LRRIQ3: variants seen among roughly 807,000 people sequenced by gnomAD.
The protein encoded by LRRIQ3 is leucine rich repeats and IQ motif containing 3.
LRRIQ3 carries 75 observed loss-of-function variants against 59.3 expected under a neutral mutation model. That is an observed-to-expected ratio of 1.26 (90% CI 1.05 to 1.53). LRRIQ3 has a LOEUF of 1.53. Ranked by LOEUF, LRRIQ3 falls within the 40% of genes most tolerant of loss-of-function variation. The pLI is 0.00. For missense variants in LRRIQ3, 831 were observed against 710.0 expected, an observed-to-expected ratio of 1.17 and a Z score of -1.94; for synonymous variants, 250 against 231.3, an observed-to-expected ratio of 1.08 and a Z score of -0.73.
chr1:74,084,614 G>A (rs1646307668), intron 5 of LRRIQ3, among the ~76,000 whole-genome samples: 1 of 151,560 alleles, frequency 6.6e-6, no homozygotes, highest in Non-Finnish European at 1.5e-5. Flanking sequence ...AAACTCCAAT[G>A]CTGTCTCTCT....
intron 7 of LRRIQ3, among the ~76,000 whole-genome samples, chr1:74,033,549 G>C (rs1653780673): frequency 6.6e-6 from 1 of 151,978 alleles, no homozygotes; most frequent in Non-Finnish European, 1.5e-5. Context: ...AGGTGGGGCA[G>C]TTCCAAGTGA....
At chr1:74,065,523 G>C (rs1281739749) in intron 6 of LRRIQ3, among the ~76,000 whole-genome samples, 1 of 152,088 alleles carries the variant, frequency 6.6e-6, no homozygotes, top group Admixed American at 6.6e-5. Context: ...AGATATTGAA[G>C]AGGTACAAAA....
intron 3 of LRRIQ3, chr1:74,180,613 T>C: frequency 9.3e-7 from 1 of 1,071,692 alleles, no homozygotes; most frequent in Non-Finnish European, 1.3e-6. Context: ...CTTATTCTTC[T>C]CCTCTTTCCA....
At chr1:74,067,460 G>C (rs1391299683) in intron 6 of LRRIQ3, among the ~76,000 whole-genome samples, 1 of 152,060 alleles carries the variant, frequency 6.6e-6, no homozygotes, top group Non-Finnish European at 1.5e-5. Flanking sequence ...AGCTTTTTCA[G>C]TGCACTTTTT....
At chr1:74,063,121 A>AAACAAC (rs1012702321) in intron 6 of LRRIQ3, among the ~76,000 whole-genome samples, 61 of 151,132 alleles carry the variant, frequency 4.0e-4, no homozygotes, top group African/African-American at 1.4e-3. Flanking sequence ...CCCCAAAACC[A>AAACAAC]AACAACAACA....
At chr1:74,060,191 C>T (rs917968237) in intron 6 of LRRIQ3, among the ~76,000 whole-genome samples, 3 of 41,422 alleles carry the variant, frequency 7.2e-5, no homozygotes, top group Non-Finnish European at 1.8e-4. Flanking sequence ...TCTTCTTTTT[C>T]TTCTTCTTCT....
intron 3 of LRRIQ3, among the ~76,000 whole-genome samples, chr1:74,170,082 T>G (rs1307504469): frequency 1.3e-5 from 2 of 152,200 alleles, no homozygotes; most frequent in Non-Finnish European, 1.5e-5. Context: ...AATTTACCCC[T>G]CATTAAATAA....
At chr1:74,060,287 C>T (rs575350258) in intron 6 of LRRIQ3, among the ~76,000 whole-genome samples, 25 of 149,328 alleles carry the variant, frequency 1.7e-4, no homozygotes, top group African/African-American at 5.8e-4. Context: ...TCCTCCTCCT[C>T]CTCTTCCTCC....
At chr1:74,184,916 G>C (rs1373440475) in intron 1 of LRRIQ3, among the ~76,000 whole-genome samples, 1 of 152,128 alleles carries the variant, frequency 6.6e-6, no homozygotes, top group Non-Finnish European at 1.5e-5. Context: ...AAATAGAAAA[G>C]ATATAAGTCT....
At chr1:74,118,684 AT>A (rs1013360868) in intron 4 of LRRIQ3, among the ~76,000 whole-genome samples, 40 of 152,202 alleles carry the variant, frequency 2.6e-4, no homozygotes, top group African/African-American at 9.4e-4. Flanking sequence ...TAGAAAAAAA[AT>A]ATAGAGATAT....
intron 5 of LRRIQ3, among the ~76,000 whole-genome samples, chr1:74,087,125 G>A (rs550018574): frequency 2.6e-5 from 4 of 152,020 alleles, no homozygotes; most frequent in South Asian, 4.2e-4. Flanking sequence ...CTCCACATAT[G>A]GTATTAAAAT....
intron 5 of LRRIQ3, among the ~76,000 whole-genome samples, chr1:74,100,499 T>G (rs950237328): frequency 1.3e-5 from 2 of 152,138 alleles, no homozygotes; most frequent in African/African-American, 4.8e-5. Flanking sequence ...AATTTATAGA[T>G]TCAATGCCAT....
At chr1:74,058,635 G>A (rs557956913) in intron 6 of LRRIQ3, among the ~76,000 whole-genome samples, 1 of 152,168 alleles carries the variant, frequency 6.6e-6, no homozygotes, top group South Asian at 2.1e-4. Flanking sequence ...GAATAGGTAA[G>A]TTCTAGTGTT....
intron 3 of LRRIQ3, chr1:74,180,095 T>C (rs1315301352): frequency 6.6e-6 from 1 of 151,934 alleles, no homozygotes; most frequent in Admixed American, 6.6e-5. Flanking sequence ...ACTTGGCAGT[T>C]ATATATAACC....
intron 6 of LRRIQ3, among the ~76,000 whole-genome samples, chr1:74,046,683 T>C (rs1309194956): frequency 6.6e-6 from 1 of 151,868 alleles, no homozygotes; most frequent in Non-Finnish European, 1.5e-5. Context: ...GGGAGAAAAA[T>C]TTTGCAATCT....
intron 5 of LRRIQ3, among the ~76,000 whole-genome samples, chr1:74,098,233 A>G (rs1413986643): frequency 6.6e-6 from 1 of 152,164 alleles, no homozygotes; most frequent in Non-Finnish European, 1.5e-5. Flanking sequence ...AATAGAAAAC[A>G]AAAAAAGGCA....
intron 4 of LRRIQ3, among the ~76,000 whole-genome samples, chr1:74,137,264 T>C (rs1647138896): frequency 6.6e-6 from 1 of 151,818 alleles, no homozygotes; most frequent in Non-Finnish European, 1.5e-5. Context: ...CCAACATCTT[T>C]CTATATACTA....
Position 74,109,410 on chromosome 1 carries a change from A to T in LRRIQ3, c.851T>A (p.Leu284His). ...FKPETNIKGK[L>H]AYWKHNIYYP... ...TATACTTACATGTTTCCAATATGCAAGCTTTCCTTTTATATTAGTTTCAGG... is the reference window on the plus strand; with the variant it reads ...TATACTTACATGTTTCCAATATGCATGCTTTCCTTTTATATTAGTTTCAGG... The change falls in exon 5 of 8, where the codon CTT (leucine) becomes CAT (histidine). Residue 284 changes from leucine (L) to histidine (H), a missense_variant. Leu to His is a moderately conservative substitution (Grantham distance 99). Transcript: ENST00000354431. 1.3e-6 allele frequency: 2 copies of T among 1,539,390 alleles called. No individual in the cohort carries two copies. The highest frequency in any genetic ancestry group is 1.8e-6 in the Non-Finnish European group (2 of 1,136,548).
chr1:74,160,953 T>C (rs1004598599), intron 3 of LRRIQ3, among the ~76,000 whole-genome samples: 1 of 152,084 alleles, frequency 6.6e-6, no homozygotes, highest in Non-Finnish European at 1.5e-5. Context: ...GCTGCCTTAG[T>C]TTCTTCTTTT....
Sources: gnomAD v4.1 joint callset for allele counts (sites outside exome capture counted in the v4.1 genomes callset) on GRCh38, gnomAD v4.1.1 for gene constraint, MANE v1.5 for transcripts, NCBI Gene and HGNC (gene_info 2026-07-23, HGNC 2026-07-21) for gene names.